Variants in UVRAG observed in about 807,000 individuals in gnomAD.
UVRAG encodes the protein UV radiation resistance-associated gene protein.
UVRAG carries 19 observed loss-of-function variants against 78.0 expected under a neutral mutation model. That is an observed-to-expected ratio of 0.24 (90% CI 0.17 to 0.36). The LOEUF (loss-of-function observed/expected upper bound fraction) is 0.36. UVRAG is among the 10% of genes least tolerant of loss of function. The pLI, the probability that UVRAG is intolerant of heterozygous loss-of-function variation, is 1.00. For synonymous variants in UVRAG, 323 were observed against 324.6 expected, an observed-to-expected ratio of 1.00 and a Z score of 0.05; for missense variants, 740 against 853.8, an observed-to-expected ratio of 0.87 and a Z score of 1.66.
intron 11 of UVRAG, among the ~76,000 whole-genome samples, chr11:76,009,142 A>G (rs1033633371): frequency 1.9e-4 from 29 of 152,284 alleles, no homozygotes; most frequent in African/African-American, 6.7e-4. Flanking sequence ...TAAGAATACA[A>G]ATAATCGCCC....
At chr11:75,902,676 A>AT (rs561670244) in intron 5 of UVRAG, among the ~76,000 whole-genome samples, 10 of 151,658 alleles carry the variant, frequency 6.6e-5, no homozygotes, top group Middle Eastern at 3.4e-3. Flanking sequence ...TTAAGTGTTG[A>AT]TTTTTTTTAA....
chr11:76,065,048 C>G (rs1040459526), intron 12 of UVRAG, among the ~76,000 whole-genome samples: 2 of 152,174 alleles, frequency 1.3e-5, no homozygotes, highest in Non-Finnish European at 2.9e-5. Flanking sequence ...GGGAGTTACT[C>G]TCTAAAATAA....
At chr11:75,989,070 C>CT (rs927456621) in intron 8 of UVRAG, among the ~76,000 whole-genome samples, 2 of 151,130 alleles carry the variant, frequency 1.3e-5, no homozygotes, top group African/African-American at 4.9e-5. Flanking sequence ...TATTCTTTTC[C>CT]TTTTTTTTGA....
At chr11:75,981,929 T>C (rs1472429645) in intron 7 of UVRAG, among the ~76,000 whole-genome samples, 1 of 152,132 alleles carries the variant, frequency 6.6e-6, no homozygotes, top group Admixed American at 6.5e-5. Flanking sequence ...TTTTTCCTAC[T>C]TTTTCATTTG....
chr11:76,038,685 G>A (rs1761274723), intron 12 of UVRAG, among the ~76,000 whole-genome samples: 1 of 152,194 alleles, frequency 6.6e-6, no homozygotes, highest in Non-Finnish European at 1.5e-5. Context: ...AATTATCTGT[G>A]TAGGCTTGGC....
rs185209041 is a variant in UVRAG at position 76,052,109 on chromosome 11, C to T, written c.1227-13601C>T. Among the ~76,000 whole-genome samples the T allele has an allele frequency of 3.3e-4, 51 of 152,348 alleles. No homozygotes were observed. In the South Asian group the frequency reaches 6.0e-3, roughly 18 times the overall value. On this transcript the variant is annotated intron_variant, in intron 12 of 14. Coordinates refer to ENST00000356136, the MANE Select transcript of UVRAG (RefSeq NM_003369.4). ...TTCTTCCTTTAGCACCTACCCATCT[C>T]ATTTATTAGGCTGATTATATGAGCA...
intron 12 of UVRAG, among the ~76,000 whole-genome samples, chr11:76,025,059 G>T (rs11236602): frequency 1.3e-5 from 2 of 152,106 alleles, no homozygotes; most frequent in East Asian, 3.8e-4. Flanking sequence ...GAAAAAGACC[G>T]ATTTCTTTTC....
At chr11:76,057,756 A>G (rs1951009833) in intron 12 of UVRAG, among the ~76,000 whole-genome samples, 2 of 151,984 alleles carry the variant, frequency 1.3e-5, no homozygotes, top group South Asian at 2.1e-4. Context: ...AGGGTAAAAC[A>G]TGGTCCTTTT....
chr11:75,836,308 G>C (rs1472143041), intron 1 of UVRAG, among the ~76,000 whole-genome samples: 3 of 152,134 alleles, frequency 2.0e-5, no homozygotes, highest in Admixed American at 1.3e-4. Context: ...TTAAGTTTAA[G>C]AAGCACTGAT....
At chr11:76,110,743 G>C (rs539726542) in intron 13 of UVRAG, among the ~76,000 whole-genome samples, 4 of 152,256 alleles carry the variant, frequency 2.6e-5, no homozygotes, top group Admixed American at 2.6e-4. Flanking sequence ...ATAGAGACAA[G>C]AAAGAGAGCT....
chr11:76,143,942 C>T lies in UVRAG; in HGVS notation c.*2529C>T, dbSNP rs1020442086. On this transcript the variant is annotated 3_prime_UTR_variant, in exon 15 of 15. Coordinates refer to ENST00000356136, the MANE Select transcript of UVRAG (RefSeq NM_003369.4). ...TTACAGCTGAGACACTTTTAAACAG[C>T]GGGCAAATGTTATCAAATGAATATT... Among the ~76,000 whole-genome samples, 7 of 152,190 alleles carry T rather than the reference C, an allele frequency of 4.6e-5. No individual in the cohort carries two copies. The highest frequency in any genetic ancestry group is 1.4e-4 in the African/African-American group (6 of 41,438).
intron 7 of UVRAG, among the ~76,000 whole-genome samples, chr11:75,975,580 A>G (rs1009017877): frequency 2.6e-5 from 4 of 152,172 alleles, no homozygotes; most frequent in Non-Finnish European, 4.4e-5. Context: ...GAGGTCCTTC[A>G]CATCCCTTGT....
intron 8 of UVRAG, among the ~76,000 whole-genome samples, chr11:76,002,673 T>C (rs560825539): frequency 1.3e-5 from 2 of 152,278 alleles, no homozygotes; most frequent in South Asian, 2.1e-4. Context: ...AGGAGTTATA[T>C]TGTGGGCTAA....
chr11:75,894,078 G>A (rs1286818000), intron 5 of UVRAG, among the ~76,000 whole-genome samples: 4 of 152,058 alleles, frequency 2.6e-5, no homozygotes, highest in African/African-American at 4.8e-5. Flanking sequence ...GTATACAAAT[G>A]GTTAAAACAT....
At position 76,048,011 on chromosome 11, in the gene UVRAG, G is replaced by A. The variant is rs567008828; in HGVS notation, c.1227-17699G>A. Among the ~76,000 whole-genome samples the A allele has an allele frequency of 3.9e-5, 6 of 152,312 alleles. No individual in the cohort carries two copies. In the East Asian group the frequency reaches 1.2e-3, roughly 29 times the overall value. On this transcript the variant is annotated intron_variant, in intron 12 of 14. Coordinates refer to ENST00000356136, the MANE Select transcript of UVRAG (RefSeq NM_003369.4). ...GGTGAAGGTTGTTAAAATCCAGCAAGCACTTAGAAAAGCTTGAGACACAAG... is the reference window on the plus strand; with the variant it reads ...GGTGAAGGTTGTTAAAATCCAGCAAACACTTAGAAAAGCTTGAGACACAAG...
In UVRAG at chr11:76,116,000, G is replaced by A. The variant is rs1196234289; in HGVS notation, c.1382G>A (p.Gly461Glu). 3 of 1,613,788 alleles carry A rather than the reference G, an allele frequency of 1.9e-6. No homozygotes were observed. Among genetic ancestry groups the A allele is most frequent in the Non-Finnish European group, 2.5e-6 (3 of 1,179,794 alleles). ...LPNLKNFMEHGLMVRCDRHHT... is the reference protein window; with the variant it reads ...LPNLKNFMEHELMVRCDRHHT... Reference sequence around the variant, plus strand: ...AACCTGAAAAACTTCATGGAGCATGGACTAATGGTCAGGTGGTGAGTACCT... The same window carrying A: ...AACCTGAAAAACTTCATGGAGCATGAACTAATGGTCAGGTGGTGAGTACCT... The change falls in exon 14 of 15, where the codon GGA (glycine) becomes GAA (glutamate). Residue 461 changes from glycine (G) to glutamate (E), a missense_variant. Gly to Glu is a moderately conservative substitution (Grantham distance 98). Transcript: ENST00000356136.
At chr11:76,099,548 AGG>A (rs1951844095) in intron 13 of UVRAG, among the ~76,000 whole-genome samples, 4 of 152,180 alleles carry the variant, frequency 2.6e-5, no homozygotes, top group Admixed American at 1.3e-4. Context: ...GTAAATGTAT[AGG>A]TTAGTTTGTA....
intron 14 of UVRAG, among the ~76,000 whole-genome samples, chr11:76,127,634 C>CA (rs36010618): frequency 0.16 from 13,390 of 82,706 alleles, 1,135 homozygotes; most frequent in East Asian, 0.29. Flanking sequence ...AACTCCGTCT[C>CA]AAAAAAAAAA....
rs144863242 is a variant in UVRAG, at chr11:76,133,270, C to A, written c.1398-7441C>A. 2.4e-3 allele frequency among the ~76,000 whole-genome samples: 365 copies of A among 152,260 alleles called. 3 individuals carry two copies. Among genetic ancestry groups the A allele is most frequent in the African/African-American group, 8.4e-3 (350 of 41,550 alleles). ...TATAACCATTTCACAGAAGAGGACA[C>A]CTAGGTTGGGAGCAGTGAGGTGCAT... On this transcript the variant is annotated intron_variant, in intron 14 of 14. Transcript: ENST00000356136.
Sources: gnomAD v4.1 joint callset for allele counts (sites outside exome capture counted in the v4.1 genomes callset) on GRCh38, gnomAD v4.1.1 for gene constraint, MANE v1.5 for transcripts, NCBI Gene and HGNC (gene_info 2026-07-23, HGNC 2026-07-21) for gene names.